LAMA2: variants seen among roughly 807,000 people sequenced by gnomAD.
LAMA2 encodes laminin subunit alpha 2, also known as laminin subunit alpha-2.
In LAMA2, 269 loss-of-function variants were observed where a neutral mutation model predicts 364.8. The observed-to-expected ratio is 0.74, with a 90% CI of 0.67 to 0.82. The LOEUF is 0.82. LAMA2 is among the 40% of genes least tolerant of loss of function. LAMA2 has a pLI of 0.00. For synonymous variants in LAMA2, 1,379 were observed against 1,370.6 expected, an observed-to-expected ratio of 1.01 and a Z score of -0.14; for missense variants, 3,807 against 3,873.2, an observed-to-expected ratio of 0.98 and a Z score of 0.45.
chr6:128,909,099 A>C (rs534396385), intron 1 of LAMA2, among the ~76,000 whole-genome samples: 29 of 150,030 alleles, frequency 1.9e-4, no homozygotes, highest in Admixed American at 7.3e-4. Flanking sequence ...GTGCTGAAAA[A>C]AATGTATATT....
chr6:129,478,244 A>T (rs1784174595), intron 53 of LAMA2, among the ~76,000 whole-genome samples: 1 of 99,974 alleles, frequency 1.0e-5, no homozygotes, highest in Non-Finnish European at 2.5e-5. Flanking sequence ...AATAAAAAAA[A>T]ATCTTTTTCA....
At chr6:129,170,960 G>C (rs1224672568) in intron 9 of LAMA2, among the ~76,000 whole-genome samples, 1 of 151,008 alleles carries the variant, frequency 6.6e-6, no homozygotes, top group Non-Finnish European at 1.5e-5. Context: ...ATGTTTGTTG[G>C]TTTAAAGTCT....
chr6:128,915,871 A>G (rs1266872740), intron 1 of LAMA2, among the ~76,000 whole-genome samples: 2 of 152,202 alleles, frequency 1.3e-5, no homozygotes, highest in Non-Finnish European at 2.9e-5. Context: ...ATATAAGCTT[A>G]ATCATTTGGT....
At chr6:129,403,071 T>TGTGTATAAC in intron 39 of LAMA2, among the ~76,000 whole-genome samples, 1 of 152,214 alleles carries the variant, frequency 6.6e-6, no homozygotes, top group Admixed American at 6.5e-5. Context: ...AACAGCCTTC[T>TGTGTATAAC]GTGTATAACT....
At position 129,316,178 on chromosome 6, in the gene LAMA2, T is replaced by C. The variant is rs1196840253; in HGVS notation, c.4058+7T>C. ...ATTTCATGCGACAAAGCAGGTAAAC[T>C]CTAATAGAAAATATTCAAGCTCTTA... On this transcript the variant is annotated splice_region_variant and intron_variant, in intron 27 of 64. Transcript: ENST00000421865. The C allele has an allele frequency of 4.4e-6, 7 of 1,595,534 alleles. No individual in the cohort carries two copies. Among genetic ancestry groups the C allele is most frequent in the South Asian group, 1.1e-5 (1 of 90,620 alleles).
chr6:129,337,794 A>T (rs1437218773), intron 29 of LAMA2, among the ~76,000 whole-genome samples: 4 of 152,176 alleles, frequency 2.6e-5, no homozygotes, highest in African/African-American at 9.6e-5. Context: ...ACTAGCACAT[A>T]CCACTCTTGA....
chr6:129,392,987 A>G (rs1449418479), intron 36 of LAMA2, 58 bp from the exon 37 acceptor site: 8 of 1,358,314 alleles, frequency 5.9e-6, no homozygotes, highest in Middle Eastern at 2.0e-4. Flanking sequence ...TAATACCAAT[A>G]AACCCTAAGG....
At chr6:129,463,063 G>GA (rs1783341726) in intron 49 of LAMA2, among the ~76,000 whole-genome samples, 1 of 151,918 alleles carries the variant, frequency 6.6e-6, no homozygotes, top group Non-Finnish European at 1.5e-5. Context: ...AAAGTAAGGG[G>GA]AAAAATCTGC....
At chr6:129,485,540 G>C (rs150131394) in intron 55 of LAMA2, among the ~76,000 whole-genome samples, 1 of 152,170 alleles carries the variant, frequency 6.6e-6, no homozygotes, top group Non-Finnish European at 1.5e-5. Context: ...ATATTTCAAA[G>C]CTAACGGTTT....
chr6:129,076,793 T>C (rs145511748), intron 3 of LAMA2, among the ~76,000 whole-genome samples: 1,722 of 152,064 alleles, frequency 0.011, 30 homozygotes, highest in Non-Finnish European at 0.012. Context: ...TTTTTGTTTG[T>C]TTTCACAAAT....
At chr6:129,032,083 G>T (rs533961435) in intron 1 of LAMA2, among the ~76,000 whole-genome samples, 302 of 152,340 alleles carry the variant, frequency 2.0e-3, no homozygotes, top group African/African-American at 7.0e-3. Flanking sequence ...CTCCCAAAGT[G>T]CTGGGATTAC....
rs566107229 is a variant in LAMA2, at chr6:129,429,538, T to G, written c.5968+1684T>G. Among the ~76,000 whole-genome samples the G allele has an allele frequency of 3.3e-5, 5 of 152,336 alleles. No individual in the cohort carries two copies. The South Asian group carries it at 8.3e-4, about 25-fold the overall frequency. ...TTCTATCTCGATTATAAGTAAAATT[T>G]TAATAGTACAATTCTTCAGGCTGTG... On this transcript the variant is annotated intron_variant, in intron 41 of 64. Transcript: ENST00000421865.
intron 18 of LAMA2, among the ~76,000 whole-genome samples, chr6:129,285,749 T>C (rs1330518682): frequency 1.3e-5 from 2 of 152,136 alleles, no homozygotes; most frequent in African/African-American, 2.4e-5. Context: ...CTCCTTCTTA[T>C]CTTTATCAAA....
chr6:129,116,767 G>A (rs1038726518), intron 4 of LAMA2, among the ~76,000 whole-genome samples: 15 of 151,830 alleles, frequency 9.9e-5, no homozygotes, highest in African/African-American at 3.1e-4. Flanking sequence ...AAGAAATTAA[G>A]GACTTGCAGG....
chr6:128,944,249 G>T (rs1780357919), intron 1 of LAMA2, among the ~76,000 whole-genome samples: 1 of 152,228 alleles, frequency 6.6e-6, no homozygotes, highest in Non-Finnish European at 1.5e-5. Flanking sequence ...TAGATTAAAT[G>T]AATTAATTTT....
intron 12 of LAMA2, among the ~76,000 whole-genome samples, chr6:129,239,935 T>C (rs1336641353): frequency 6.6e-6 from 1 of 152,100 alleles, no homozygotes; most frequent in Non-Finnish European, 1.5e-5. Context: ...CAAGGTGAAG[T>C]CCCACAATAG....
intron 12 of LAMA2, among the ~76,000 whole-genome samples, chr6:129,230,874 C>T (rs546256264): frequency 1.5e-4 from 23 of 152,028 alleles, no homozygotes; most frequent in Admixed American, 3.3e-4. Context: ...CAAGCTACAG[C>T]GATTTCCCAT....
chr6:128,980,247 A>G (rs1217693739), intron 1 of LAMA2, among the ~76,000 whole-genome samples: 1 of 152,176 alleles, frequency 6.6e-6, no homozygotes, highest in Non-Finnish European at 1.5e-5. Context: ...ACACACTAAC[A>G]CTTGGTGTGC....
At chr6:129,200,520 A>G (rs1003909561) in intron 12 of LAMA2, among the ~76,000 whole-genome samples, 11 of 151,510 alleles carry the variant, frequency 7.3e-5, no homozygotes, top group Non-Finnish European at 1.3e-4. Context: ...GTGTATATGC[A>G]TATATGTATA....
Sources: gnomAD v4.1 joint callset for allele counts (sites outside exome capture counted in the v4.1 genomes callset) on GRCh38, gnomAD v4.1.1 for gene constraint, MANE v1.5 for transcripts, NCBI Gene and HGNC (gene_info 2026-07-23, HGNC 2026-07-21) for gene names.